Variants in CSMD3 observed in about 807,000 individuals in gnomAD.
CSMD3 encodes CUB and sushi domain-containing protein 3.
Under a neutral mutation model 435.2 loss-of-function variants are expected in CSMD3, and 177 were observed. The ratio of observed to expected loss-of-function variants is 0.41; its 90% CI spans 0.36 to 0.46. CSMD3 has a LOEUF of 0.46. Ranked by LOEUF, CSMD3 falls within the 20% of genes least tolerant of loss-of-function variation. The pLI, the probability that CSMD3 is intolerant of heterozygous loss-of-function variation, is 0.34. For missense variants in CSMD3, 4,265 were observed against 4,504.6 expected (o/e 0.95, Z 1.52); for synonymous variants, 1,656 against 1,520.5 (o/e 1.09, Z -2.07).
At chr8:112,264,088 G>A (rs1328327364) in intron 60 of CSMD3, among the ~76,000 whole-genome samples, 1 of 152,100 alleles carries the variant, frequency 6.6e-6, no homozygotes, top group African/African-American at 2.4e-5. Flanking sequence ...AAGGCAAACA[G>A]AGGGTGACCT....
intron 38 of CSMD3, among the ~76,000 whole-genome samples, chr8:112,362,580 G>A (rs1049215228): frequency 6.6e-6 from 1 of 151,890 alleles, no homozygotes; most frequent in Non-Finnish European, 1.5e-5. Flanking sequence ...TACCTATTGC[G>A]TGCTCTGTAT....
intron 10 of CSMD3, among the ~76,000 whole-genome samples, chr8:112,895,413 A>G (rs1436115735): frequency 6.6e-6 from 1 of 151,436 alleles, no homozygotes; most frequent in African/African-American, 2.4e-5. Flanking sequence ...GAAAGAGGAA[A>G]GCCCAAAGCA....
At chr8:112,349,080 A>G (rs1186036151) in intron 40 of CSMD3, among the ~76,000 whole-genome samples, 1 of 152,038 alleles carries the variant, frequency 6.6e-6, no homozygotes, top group Non-Finnish European at 1.5e-5. Flanking sequence ...ATTATAAACA[A>G]GCTATTAGAG....
chr8:112,846,776 TA>T (rs1224468679), intron 11 of CSMD3, among the ~76,000 whole-genome samples: 2 of 151,944 alleles, frequency 1.3e-5, no homozygotes, highest in Non-Finnish European at 2.9e-5. Flanking sequence ...TTGCACAGAG[TA>T]ATTCACTTTA....
chr8:113,358,015 G>A (rs963986671), intron 1 of CSMD3, among the ~76,000 whole-genome samples: 1 of 152,100 alleles, frequency 6.6e-6, no homozygotes, highest in African/African-American at 2.4e-5. Flanking sequence ...GACTAATACC[G>A]AGTATGCATA....
At chr8:112,854,644 A>G (rs2080593766) in intron 11 of CSMD3, among the ~76,000 whole-genome samples, 1 of 152,212 alleles carries the variant, frequency 6.6e-6, no homozygotes, top group East Asian at 1.9e-4. Context: ...AAAGTTTCTT[A>G]TGTGGAAGCT....
At chr8:113,081,121 A>T in intron 5 of CSMD3, among the ~76,000 whole-genome samples, 1 of 152,228 alleles carries the variant, frequency 6.6e-6, no homozygotes, top group East Asian at 1.9e-4. Flanking sequence ...TGAAAATGTA[A>T]GAAATTACTG....
At chr8:112,697,228 T>A (rs371630890) in intron 13 of CSMD3, among the ~76,000 whole-genome samples, 1 of 152,168 alleles carries the variant, frequency 6.6e-6, no homozygotes, top group Non-Finnish European at 1.5e-5. Flanking sequence ...CATTACTGGG[T>A]ATATACCCAA....
chr8:113,347,892 G>A (rs1415992841), intron 1 of CSMD3, among the ~76,000 whole-genome samples: 1 of 151,992 alleles, frequency 6.6e-6, no homozygotes, highest in Non-Finnish European at 1.5e-5. Flanking sequence ...CCCAAAGCTG[G>A]GCTAAAGTTG....
At chr8:113,132,424 T>C (rs755844639) in intron 4 of CSMD3, among the ~76,000 whole-genome samples, 7 of 152,078 alleles carry the variant, frequency 4.6e-5, no homozygotes, top group South Asian at 2.1e-4. Context: ...GGTTTCCCCC[T>C]TGCTGTTGTC....
intron 4 of CSMD3, among the ~76,000 whole-genome samples, chr8:113,105,622 T>C (rs2090451779): frequency 6.6e-6 from 1 of 152,118 alleles, no homozygotes; most frequent in Non-Finnish European, 1.5e-5. Flanking sequence ...TACCACTAGC[T>C]AGAATATAGA....
At chr8:112,554,347 C>G (rs1440803320) in intron 25 of CSMD3, among the ~76,000 whole-genome samples, 4 of 151,968 alleles carry the variant, frequency 2.6e-5, no homozygotes, top group African/African-American at 9.7e-5. Flanking sequence ...TACAATAACA[C>G]ACTCGGGAGA....
intron 40 of CSMD3, 30 bp downstream of exon 40, chr8:112,351,145 G>A (rs2131053438): frequency 7.8e-7 from 1 of 1,290,018 alleles, no homozygotes; most frequent in Non-Finnish European, 1.1e-6. Flanking sequence ...TTAAGTTCTA[G>A]GGTAAATACT....
chr8:113,294,848 ACAT>A (rs2093708550), intron 2 of CSMD3, among the ~76,000 whole-genome samples: 1 of 152,102 alleles, frequency 6.6e-6, no homozygotes, highest in East Asian at 1.9e-4. Context: ...CAGAATCATA[ACAT>A]CATAAATAGT....
At chr8:112,688,074 T>C (rs930543412) in intron 14 of CSMD3, among the ~76,000 whole-genome samples, 3 of 152,150 alleles carry the variant, frequency 2.0e-5, no homozygotes, top group Non-Finnish European at 2.9e-5. Flanking sequence ...TCTGCAATTG[T>C]AGCTGGAAGG....
At chr8:112,354,649 A>G (rs1826424326) in intron 38 of CSMD3, among the ~76,000 whole-genome samples, 1 of 152,194 alleles carries the variant, frequency 6.6e-6, no homozygotes, top group African/African-American at 2.4e-5. Context: ...TTAAGGAGGT[A>G]AAAGATCTTT....
chr8:113,434,778 G>A (rs959680466), intron 1 of CSMD3, among the ~76,000 whole-genome samples: 14 of 152,132 alleles, frequency 9.2e-5, no homozygotes, highest in African/African-American at 2.2e-4. Context: ...CATCTCATTC[G>A]GAAAATACGG....
chr8:112,638,979 C>T (rs1343492253), intron 20 of CSMD3, 68 bp from the exon 21 acceptor site: 7 of 1,082,118 alleles, frequency 6.5e-6, no homozygotes, highest in Non-Finnish European at 9.9e-6. Flanking sequence ...TACTGTCAAA[C>T]TAACTATTAG....
chr8:113,084,350 G>C (rs547681978), intron 5 of CSMD3, among the ~76,000 whole-genome samples: 101 of 152,054 alleles, frequency 6.6e-4, no homozygotes, highest in Non-Finnish European at 1.3e-3. Flanking sequence ...AATCCCATTT[G>C]TAATAGGCGC....
Sources: gnomAD v4.1 joint callset for allele counts (sites outside exome capture counted in the v4.1 genomes callset) on GRCh38, gnomAD v4.1.1 for gene constraint, MANE v1.5 for transcripts, NCBI Gene and HGNC (gene_info 2026-07-23, HGNC 2026-07-21) for gene names.